The following FARS2 variants were observed in gnomAD, a reference collection of about 807,000 sequenced individuals.
FARS2 encodes phenylalanine--tRNA ligase, mitochondrial.
Under a neutral mutation model 46.4 loss-of-function variants are expected in FARS2, and 40 were observed. The ratio of observed to expected loss-of-function variants is 0.86; its 90% confidence interval spans 0.67 to 1.12. The LOEUF (loss-of-function observed/expected upper bound fraction) is 1.12, where lower values mean the gene tolerates loss of function less well. Ranked by LOEUF, FARS2 falls within the 50% of genes most tolerant of loss-of-function variation. FARS2 has a pLI of 0.00. For synonymous variants in FARS2, 234 were observed against 214.9 expected (o/e 1.09, Z -0.78); for missense variants, 513 against 567.9 (o/e 0.90, Z 0.98).
chr6:5,703,196 C>A (rs552416865), intron 6 of FARS2, among the ~76,000 whole-genome samples: 1 of 152,240 alleles, frequency 6.6e-6, no homozygotes, highest in South Asian at 2.1e-4. Flanking sequence ...CTCTGGTAGC[C>A]ACAGGGATGG....
intron 6 of FARS2, among the ~76,000 whole-genome samples, chr6:5,762,995 G>A (rs556156116): frequency 7.2e-5 from 11 of 152,298 alleles, no homozygotes; most frequent in East Asian, 1.9e-4. Context: ...GGGAGTGCGT[G>A]TATGGTATTT....
At chr6:5,480,180 A>T (rs1017922987) in intron 4 of FARS2, among the ~76,000 whole-genome samples, 8 of 152,248 alleles carry the variant, frequency 5.3e-5, no homozygotes, top group Non-Finnish European at 1.5e-5. Flanking sequence ...TAGTGACTTG[A>T]TCTTGAGTCA....
At chr6:5,301,405 C>T (rs1294202319) in intron 1 of FARS2, among the ~76,000 whole-genome samples, 1 of 152,170 alleles carries the variant, frequency 6.6e-6, no homozygotes, top group East Asian at 1.9e-4. Context: ...GAGCTGTGAT[C>T]GTGCCACTGT....
At chr6:5,287,361 C>G (rs1477144599) in intron 1 of FARS2, among the ~76,000 whole-genome samples, 2 of 152,282 alleles carry the variant, frequency 1.3e-5, no homozygotes, top group African/African-American at 4.8e-5. Flanking sequence ...TCATCCTGTT[C>G]TAGTGCTCAG....
intron 5 of FARS2, among the ~76,000 whole-genome samples, chr6:5,557,587 C>G (rs557388618): frequency 6.6e-6 from 1 of 152,218 alleles, no homozygotes; most frequent in African/African-American, 2.4e-5. Flanking sequence ...ACGAACAATG[C>G]CACATGTGTA....
At chr6:5,754,814 A>G (rs969612197) in intron 6 of FARS2, among the ~76,000 whole-genome samples, 1 of 152,098 alleles carries the variant, frequency 6.6e-6, no homozygotes, top group African/African-American at 2.4e-5. Context: ...TTCTCTAGTT[A>G]TTTCCAAGGT....
chr6:5,326,288 C>G (rs72815636), intron 1 of FARS2, among the ~76,000 whole-genome samples: 4 of 152,334 alleles, frequency 2.6e-5, no homozygotes, highest in East Asian at 3.9e-4. Flanking sequence ...GCTCAAGGTA[C>G]CTGGCTAGTG....
intron 3 of FARS2, 47 bp from the exon 4 acceptor site, chr6:5,430,994 A>C (rs758012144): frequency 1.3e-6 from 2 of 1,588,462 alleles, no homozygotes; most frequent in South Asian, 2.3e-5. Context: ...AAGAAAGGGC[A>C]GACAGCTATT....
At chr6:5,631,947 T>G (rs1269261312) in intron 6 of FARS2, among the ~76,000 whole-genome samples, 1 of 152,238 alleles carries the variant, frequency 6.6e-6, no homozygotes, top group Admixed American at 6.5e-5. Context: ...TATTATGATC[T>G]GTTGGTATGC....
At position 5,726,393 on chromosome 6, in the gene FARS2, A is replaced by T. The variant is rs192576261; in HGVS notation, c.1218-44898A>T. Among the ~76,000 whole-genome samples the T allele has an allele frequency of 2.6e-3, 403 of 152,316 alleles. 5 individuals are homozygous for T. Among genetic ancestry groups the T allele is most frequent in the Non-Finnish European group, 6.2e-4 (42 of 68,038 alleles). On this transcript the variant is annotated intron_variant, in intron 6 of 6. Transcript: ENST00000274680. Reference sequence around the variant, plus strand: ...CTAAGAATGAAGACTCTGCTGCAGCATGGGCAAATATTTAGGCAATGATGA... The same window carrying T: ...CTAAGAATGAAGACTCTGCTGCAGCTTGGGCAAATATTTAGGCAATGATGA...
At chr6:5,338,575 A>G (rs1335336701) in intron 1 of FARS2, among the ~76,000 whole-genome samples, 1 of 70,564 alleles carries the variant, frequency 1.4e-5, no homozygotes, top group Non-Finnish European at 3.0e-5. Flanking sequence ...CCTTTTCCCC[A>G]CCCACCCAAC....
intron 3 of FARS2, among the ~76,000 whole-genome samples, chr6:5,425,071 A>C (rs1213423736): frequency 6.6e-6 from 1 of 152,150 alleles, no homozygotes; most frequent in Non-Finnish European, 1.5e-5. Context: ...GGCAACCCTG[A>C]TATTAGACCA....
upstream of FARS2, among the ~76,000 whole-genome samples, chr6:5,257,601 G>A (rs943902452): frequency 6.6e-6 from 1 of 152,180 alleles, no homozygotes; most frequent in Non-Finnish European, 1.5e-5. Flanking sequence ...GTGGGTGAGT[G>A]CGCATTATGG....
rs1269435607 is a variant in FARS2, at chr6:5,343,883, A to G, written c.-21-24667A>G. Among the ~76,000 whole-genome samples, 1 of 152,188 alleles carries G rather than the reference A, an allele frequency of 6.6e-6. No homozygotes were observed. Among genetic ancestry groups the G allele is most frequent in the East Asian group, 1.9e-4 (1 of 5,200 alleles). ...CTCCCCAGTCCCTTTAAAAGATAAA[A>G]ACAAATTAGCTCAAATTCTAACCAC... is the stretch of plus-strand genomic sequence containing the variant. On this transcript the variant is annotated intron_variant, in intron 1 of 6. Coordinates refer to ENST00000274680, the MANE Select transcript of FARS2 (RefSeq NM_006567.5). The surrounding 1 kb of genome is among the most constrained non-coding windows in gnomAD (Gnocchi z 4.5).
intron 4 of FARS2, among the ~76,000 whole-genome samples, chr6:5,494,174 A>G (rs1475426365): frequency 2.0e-5 from 3 of 151,228 alleles, no homozygotes; most frequent in African/African-American, 4.9e-5. Flanking sequence ...GATGGTTTAA[A>G]ATGTAGGGTA....
upstream of FARS2, among the ~76,000 whole-genome samples, chr6:5,257,691 G>C (rs1764745884): frequency 6.6e-6 from 1 of 152,182 alleles, no homozygotes; most frequent in African/African-American, 2.4e-5. Context: ...GCATGTGAGT[G>C]ATCTAGGTTG....
intron 6 of FARS2, among the ~76,000 whole-genome samples, chr6:5,735,357 A>T (rs182437481): frequency 5.3e-4 from 80 of 152,298 alleles, no homozygotes; most frequent in Non-Finnish European, 5.9e-5. Context: ...TGGTGTGTGT[A>T]GCTCACCAGG....
At chr6:5,293,449 G>A (rs1767637799) in intron 1 of FARS2, among the ~76,000 whole-genome samples, 1 of 151,864 alleles carries the variant, frequency 6.6e-6, no homozygotes, top group African/African-American at 2.4e-5. Flanking sequence ...GGGGATGGAG[G>A]GATTATTACT....
Position 5,590,142 on chromosome 6 carries a change from G to A in FARS2, c.1066-23027G>A, listed in dbSNP as rs190320660. Among the ~76,000 whole-genome samples the A allele has an allele frequency of 2.1e-3, 322 of 152,332 alleles. 1 individual carries two copies. The Middle Eastern group carries it at 0.031, about 14-fold the overall frequency. ...TAAGTGCTCAGTAATGTTAGATAAT[G>A]TATTTAAAGTTGGTGGTGCTACTGG... is the stretch of plus-strand genomic sequence containing the variant. On this transcript the variant is annotated intron_variant, in intron 5 of 6. Coordinates refer to ENST00000274680, the MANE Select transcript of FARS2 (RefSeq NM_006567.5).
Sources: gnomAD v4.1 joint callset for allele counts (sites outside exome capture counted in the v4.1 genomes callset) on GRCh38, gnomAD v4.1.1 for gene constraint, Gnocchi (gnomAD v3.1) non-coding constraint, MANE v1.5 for transcripts, NCBI Gene and HGNC (gene_info 2026-07-23, HGNC 2026-07-21) for gene names.